Variants in DENND5B observed in about 807,000 individuals in gnomAD.
DENND5B encodes the protein DENN domain-containing protein 5B.
In DENND5B, 34 loss-of-function variants were observed where a neutral mutation model predicts 140.6. That is an observed-to-expected ratio of 0.24 (90% CI 0.18 to 0.32). The LOEUF (loss-of-function observed/expected upper bound fraction) is 0.32. Ranked by LOEUF, DENND5B falls within the 10% of genes least tolerant of loss-of-function variation. The probability of loss-of-function intolerance (pLI) is 1.00; values close to 1 mark genes in which losing one functional copy is unlikely to be tolerated. For synonymous variants in DENND5B, 551 were observed against 562.1 expected (o/e 0.98, Z 0.28); for missense variants, 1,142 against 1,560.2 (o/e 0.73, Z 4.52).
At chr12:31,451,873 T>G (rs1284493212) in intron 5 of DENND5B, 67 bp downstream of exon 5, 1 of 1,534,936 alleles carries the variant, frequency 6.5e-7, no homozygotes, top group South Asian at 1.2e-5. Flanking sequence ...AATAAAAAAT[T>G]TAAAAATGTT....
Position 31,413,490 on chromosome 12 carries a change from T to C in DENND5B, c.2627A>G (p.Lys876Arg), listed in dbSNP as rs770076747. The C allele has an allele frequency of 6.2e-7, 1 of 1,613,820 alleles. No individual in the cohort carries two copies. Among genetic ancestry groups the C allele is most frequent in the Non-Finnish European group, 8.5e-7 (1 of 1,179,766 alleles). The change falls in exon 13 of 21, where the codon AAG (lysine) becomes AGG (arginine). Residue 876 changes from lysine (K) to arginine (R), a missense_variant. By Grantham distance (26) the Lys-to-Arg change is conservative (BLOSUM62 2). Around this residue, in one of 5 missense-constraint regions of DENND5B, gnomAD observed 268 missense variants for 349.2 expected, o/e 0.77. Transcript: ENST00000389082. ...ARAWIRLSLEKKLLSQHLKQL... is the reference protein window; with the variant it reads ...ARAWIRLSLERKLLSQHLKQL... ...CTTAAGATGCTGGGACAAGAGCTTC[T>C]TTTCTAGAGACAGTCTTATCCACGC... is the stretch of plus-strand genomic sequence containing the variant.
intron 2 of DENND5B, among the ~76,000 whole-genome samples, chr12:31,494,611 C>G (rs1286212368): frequency 1.3e-4 from 20 of 152,132 alleles, no homozygotes. Flanking sequence ...TGTTTCCTTC[C>G]CACAACCAAT....
chr12:31,495,740 A>C, intron 2 of DENND5B, 70 bp downstream of exon 2: 2 of 1,131,562 alleles, frequency 1.8e-6, no homozygotes, highest in East Asian at 2.5e-5. Context: ...TTCAAAATAC[A>C]GTCACTACCT....
intron 8 of DENND5B, chr12:31,431,962 C>A: frequency 1.4e-6 from 1 of 701,880 alleles, no homozygotes; most frequent in Non-Finnish European, 1.8e-6. Context: ...TATGTGCACT[C>A]ACACATGTGT....
At chr12:31,458,314 T>A (rs909190931) in intron 4 of DENND5B, among the ~76,000 whole-genome samples, 3 of 152,224 alleles carry the variant, frequency 2.0e-5, no homozygotes, top group African/African-American at 7.2e-5. Flanking sequence ...TATAAAATAT[T>A]ACATGGATTA....
In DENND5B at chr12:31,391,997, G is replaced by C. The variant is rs1458500718; in HGVS notation, c.3466+270C>G. ...CTATTAAAAATACAAAAATTAGTTG[G>C]GCATGGTGGTGCACACCTGTAGTCC... On this transcript the variant is annotated intron_variant, in intron 19 of 20. Transcript: ENST00000389082. Among the ~76,000 whole-genome samples the C allele has an allele frequency of 2.6e-5, 4 of 151,670 alleles. No homozygotes were observed. In the East Asian group the frequency reaches 7.7e-4, roughly 29 times the overall value.
At position 31,384,770 on chromosome 12, in the gene DENND5B, C is replaced by CT. The variant is rs1168763316; in HGVS notation, c.*2832dup. On this transcript the variant is annotated 3_prime_UTR_variant, in exon 21 of 21. Transcript: ENST00000389082. The stretch of plus-strand genomic sequence containing the variant: ...ATCCAACTTTGGCTGCAGTTTTTTT[C>CT]TTTTTTTTTTTTTGAGACGGAGTCT... 609 of 144,506 alleles carry CT rather than the reference C, an allele frequency of 4.2e-3. 4 individuals carry two copies. The highest frequency in any genetic ancestry group is 0.014 in the Middle Eastern group (4 of 278). The allele number at this position is 144,506 out of a possible 1,614,324, so 9.0% of individuals were successfully genotyped here.
At chr12:31,488,981 T>A (rs555558331) in intron 2 of DENND5B, among the ~76,000 whole-genome samples, 3 of 152,302 alleles carry the variant, frequency 2.0e-5, no homozygotes, top group African/African-American at 7.2e-5. Context: ...AATGTTCTTA[T>A]ATTTCTCTAG....
intron 8 of DENND5B, among the ~76,000 whole-genome samples, chr12:31,427,801 C>G (rs754350643): frequency 6.6e-6 from 1 of 152,042 alleles, no homozygotes; most frequent in African/African-American, 2.4e-5. Context: ...CATCCTCCCA[C>G]GGGCACATAT....
chr12:31,420,533 T>G (rs539832775), intron 11 of DENND5B, among the ~76,000 whole-genome samples: 3 of 151,620 alleles, frequency 2.0e-5, no homozygotes, highest in Non-Finnish European at 4.4e-5. Flanking sequence ...AACCTCTGCC[T>G]CCTGGGTTCA....
intron 1 of DENND5B, among the ~76,000 whole-genome samples, chr12:31,562,087 C>T (rs1329743265): frequency 1.3e-5 from 2 of 152,304 alleles, no homozygotes; most frequent in Middle Eastern, 3.4e-3. Flanking sequence ...AAATTAAATA[C>T]TTCCCTATTT....
At chr12:31,484,273 G>A (rs1021885730) in intron 2 of DENND5B, among the ~76,000 whole-genome samples, 1 of 152,182 alleles carries the variant, frequency 6.6e-6, no homozygotes, top group Admixed American at 6.5e-5. Flanking sequence ...GGTGGTTCAA[G>A]AAGTTTTGAA....
At chr12:31,553,736 T>A (rs188164281) in intron 1 of DENND5B, among the ~76,000 whole-genome samples, 18 of 152,336 alleles carry the variant, frequency 1.2e-4, no homozygotes, top group Non-Finnish European at 2.5e-4. Context: ...GCTTTATGAA[T>A]CTGGGTGCTC....
chr12:31,410,060 A>G (rs1220357209), intron 13 of DENND5B, among the ~76,000 whole-genome samples: 5 of 152,244 alleles, frequency 3.3e-5, no homozygotes, highest in African/African-American at 1.2e-4. Context: ...AAACACTTTT[A>G]ACCTAATAAT....
At chr12:31,522,854 G>A (rs185598394) in intron 1 of DENND5B, among the ~76,000 whole-genome samples, 172 of 152,228 alleles carry the variant, frequency 1.1e-3, no homozygotes, top group African/African-American at 3.9e-3. Context: ...GCAGGAGGGA[G>A]TGGGGCTTAT....
chr12:31,437,144 C>T (rs543373892), intron 7 of DENND5B, among the ~76,000 whole-genome samples: 2 of 88,078 alleles, frequency 2.3e-5, no homozygotes, highest in African/African-American at 3.1e-5. Context: ...ACCTGCCCCC[C>T]CCTTTTTTTT....
At chr12:31,472,080 A>T (rs1378381938) in intron 3 of DENND5B, among the ~76,000 whole-genome samples, 5 of 152,136 alleles carry the variant, frequency 3.3e-5, no homozygotes, top group African/African-American at 4.8e-5. Context: ...GCGGTTAGGG[A>T]GGCTCCTTTT....
chr12:31,489,172 T>C (rs1031933470), intron 2 of DENND5B, among the ~76,000 whole-genome samples: 1 of 152,172 alleles, frequency 6.6e-6, no homozygotes, highest in Non-Finnish European at 1.5e-5. Context: ...CCATATAACT[T>C]AGAAGTATAG....
At chr12:31,443,184 T>C (rs1341872313) in intron 6 of DENND5B, among the ~76,000 whole-genome samples, 1 of 152,158 alleles carries the variant, frequency 6.6e-6, no homozygotes, top group Non-Finnish European at 1.5e-5. Context: ...CAAACGATCC[T>C]CCTGCTTCAG....
Sources: allele counts gnomAD v4.1 joint callset (sites outside exome capture counted in the v4.1 genomes callset), GRCh38; gene constraint gnomAD v4.1.1; regional missense constraint gnomAD v4.1.1; transcripts MANE v1.5; gene names NCBI Gene and HGNC (gene_info 2026-07-23, HGNC 2026-07-21).